LGALS12: variants seen among roughly 807,000 people sequenced by gnomAD.
LGALS12 encodes galectin-12.
In LGALS12, 36 loss-of-function variants were observed where a neutral mutation model predicts 36.8. That is an observed-to-expected ratio of 0.98 (90% CI 0.75 to 1.29). The LOEUF is 1.29. LGALS12 is among the 50% of genes most tolerant of loss of function. The pLI is 0.00. For missense variants in LGALS12, 366 were observed against 394.3 expected, an observed-to-expected ratio of 0.93 and a Z score of 0.61; for synonymous variants, 145 against 155.9, an observed-to-expected ratio of 0.93 and a Z score of 0.52.
intron 4 of LGALS12, 101 bp from the exon 5 acceptor site, chr11:63,510,362 T>G: frequency 2.6e-6 from 3 of 1,150,898 alleles, no homozygotes; most frequent in South Asian, 1.2e-5. Context: ...AATGGGAACA[T>G]GAGGAGCTGT....
chr11:63,512,516 C>T lies in LGALS12; in HGVS notation c.647+676C>T, dbSNP rs376085258. ...TGTAAGAAGGGGATGATAGGCCGGG[C>T]GCGGTGGCTCACACCTATAATCCCA... On this transcript the variant is annotated intron_variant, in intron 7 of 8. Transcript: ENST00000394618. 2.7e-3 allele frequency among the ~76,000 whole-genome samples: 418 copies of T among 152,208 alleles called. 2 individuals carry two copies. The highest frequency in any genetic ancestry group is 9.8e-3 in the African/African-American group (406 of 41,526).
rs2016888526 is a variant in LGALS12 at position 63,510,590 on chromosome 11, C to T, written c.531+89C>T. ...CTCCCATTACACAAGGCCCAGCTGCCCCTTCCCTCACTGCTGCGGTTGCCA... is the reference window on the plus strand; with the variant it reads ...CTCCCATTACACAAGGCCCAGCTGCTCCTTCCCTCACTGCTGCGGTTGCCA... On this transcript the variant is annotated intron_variant, in intron 5 of 8. Coordinates refer to ENST00000394618, the MANE Select transcript of LGALS12 (RefSeq NM_033101.4). 5.4e-6 allele frequency: 7 copies of T among 1,292,492 alleles called. No homozygotes were observed. The South Asian group carries it at 8.5e-5, about 16-fold the overall frequency. The allele number at this position is 1,292,492 out of a possible 1,614,324, so 80.1% of individuals were successfully genotyped here.
intron 1 of LGALS12, 89 bp downstream of exon 1, chr11:63,506,616 G>T: frequency 1.3e-6 from 2 of 1,546,656 alleles, no homozygotes; most frequent in Non-Finnish European, 1.8e-6. Context: ...GGGGTGGAAA[G>T]GACCTCAGTC....
At chr11:63,514,353 C>T (rs2017015567) in intron 7 of LGALS12, among the ~76,000 whole-genome samples, 1 of 152,156 alleles carries the variant, frequency 6.6e-6, no homozygotes, top group Admixed American at 6.5e-5. Context: ...GGGCAGATCA[C>T]AAGGTCAAGA....
chr11:63,509,843 G>T lies in LGALS12; in HGVS notation c.438G>T (p.Thr146=), dbSNP rs75807998. The T allele has an allele frequency of 1.2e-6, 2 of 1,614,054 alleles. No individual in the cohort carries two copies. Among genetic ancestry groups the T allele is most frequent in the Non-Finnish European group, 1.7e-6 (2 of 1,179,900 alleles). ...RYRLPLSHVD[T]LGIFGDILVE... is the part of the protein sequence containing the mutation. ...GGCTCCCACTGTCTCATGTGGACAC[G>T]CTGGGTATATTTGGTGACATCCTGG... Residue 146 remains threonine (T), a synonymous_variant, in exon 4 of 9, where the codon ACG becomes ACT. Coordinates refer to ENST00000394618, the MANE Select transcript of LGALS12 (RefSeq NM_033101.4).
intron 6 of LGALS12, 135 bp downstream of exon 6, chr11:63,511,240 T>A (rs2016909969): frequency 1.5e-6 from 1 of 666,066 alleles, no homozygotes. Context: ...AGGCTGTGGG[T>A]GGGCCAGGCA....
Position 63,516,249 on chromosome 11 carries a change from G to T in LGALS12, c.801G>T (p.Val267=), listed in dbSNP as rs774973724. 1 of 1,571,518 alleles carries T rather than the reference G, an allele frequency of 6.4e-7. No individual in the cohort carries two copies. Among genetic ancestry groups the T allele is most frequent in the Non-Finnish European group, 8.6e-7 (1 of 1,161,108 alleles). The change falls in exon 9 of 9, where the codon GTG becomes GTT. Residue 267 remains valine, a splice_region_variant and synonymous_variant. Transcript: ENST00000394618. ...FLFYPQRFFE[V]LLLFQEGGLK... is the part of the protein sequence containing the mutation. ...CCCCTCATGTCCTCCTTTCCCAGGT[G>T]CTGCTCCTGTTCCAGGAGGGAGGGC... is the stretch of plus-strand genomic sequence containing the variant.
chr11:63,516,442 C>A lies in LGALS12; in HGVS notation c.*49C>A. 1.2e-6 allele frequency: 2 copies of A among 1,605,376 alleles called. No individual in the cohort carries two copies. The highest frequency in any genetic ancestry group is 1.1e-5 in the South Asian group (1 of 90,818). On this transcript the variant is annotated 3_prime_UTR_variant, in exon 9 of 9. Transcript: ENST00000394618. ...CAGAAAACAAGAAGGTCAGCCCACT[C>A]CCAGGGCCCCACTCTCCTCCCCTCA...
chr11:63,510,529 C>T lies in LGALS12; in HGVS notation c.531+28C>T, dbSNP rs370702181. On this transcript the variant is annotated intron_variant, in intron 5 of 8. Transcript: ENST00000394618. The stretch of plus-strand genomic sequence containing the variant: ...GAGTTTCTTGGCAGCAAGGTCTGAG[C>T]AGCCACACCAGCTGACCCGCCCTTC... 37 of 1,610,758 alleles carry T rather than the reference C, an allele frequency of 2.3e-5. No homozygotes were observed. The African/African-American group carries it at 4.7e-4, about 20-fold the overall frequency.
rs1555033929 is a variant in LGALS12 at position 63,511,242 on chromosome 11, G to GGCCAGACAGCTTATGCC, written c.558+142_558+143insACAGCTTATGCCGCCAG. ...TATAGAAAACTGCAGGCTGTGGGTG[G>GGCCAGACAGCTTATGCC]GCCAGGCAGCTTATGCCCCCAGCCG... On this transcript the variant is annotated intron_variant, in intron 6 of 8. Coordinates refer to ENST00000394618, the MANE Select transcript of LGALS12 (RefSeq NM_033101.4). 12 of 784,452 alleles carry GGCCAGACAGCTTATGCC rather than the reference G, an allele frequency of 1.5e-5. No individual in the cohort carries two copies. In the African/African-American group the frequency reaches 2.1e-4, roughly 13 times the overall value. The allele number at this position is 784,452 out of a possible 1,614,324, so 48.6% of individuals were successfully genotyped here.
intron 7 of LGALS12, among the ~76,000 whole-genome samples, chr11:63,513,706 A>G (rs1236593184): frequency 6.6e-6 from 1 of 152,160 alleles, no homozygotes; most frequent in Non-Finnish European, 1.5e-5. Flanking sequence ...AGAGTAAGAG[A>G]TGGAGGGCAC....
chr11:63,511,772 T>C lies in LGALS12; in HGVS notation c.579T>C (p.Ala193=). ...TTCAGGAGGTGCCCTGCTCACATGC[T>C]CTTCCCCAGGGTCTCTCGCCTGGGC... ...SPRLEVPCSH[A]LPQGLSPGQV... Residue 193 remains alanine (A), a synonymous_variant, in exon 7 of 9, where the codon GCT becomes GCC. Coordinates refer to ENST00000394618, the MANE Select transcript of LGALS12 (RefSeq NM_033101.4). 6.2e-7 allele frequency: 1 copy of C among 1,613,600 alleles called. No homozygotes were observed. Among genetic ancestry groups the C allele is most frequent in the Non-Finnish European group, 8.5e-7 (1 of 1,179,776 alleles).
At chr11:63,508,713 C>A in intron 2 of LGALS12, 65 bp from the exon 3 acceptor site, 3 of 1,613,640 alleles carry the variant, frequency 1.9e-6, no homozygotes, top group Non-Finnish European at 1.7e-6. Flanking sequence ...GGGCTCCTCC[C>A]TGCCACTGAG....
intron 8 of LGALS12, among the ~76,000 whole-genome samples, 180 bp downstream of exon 8, chr11:63,515,893 G>A (rs1397643926): frequency 1.3e-5 from 2 of 151,534 alleles, no homozygotes; most frequent in Non-Finnish European, 2.9e-5. Context: ...CTGATGCCAG[G>A]GATCCCATGG....
intron 6 of LGALS12, 61 bp from the exon 7 acceptor site, chr11:63,511,691 T>A: frequency 1.6e-6 from 2 of 1,233,386 alleles, no homozygotes; most frequent in Non-Finnish European, 2.4e-6. Context: ...CCCCCGGGGA[T>A]GGGCGGTCCT....
intron 6 of LGALS12, among the ~76,000 whole-genome samples, chr11:63,511,404 C>T (rs571906284): frequency 1.6e-4 from 24 of 152,272 alleles, no homozygotes; most frequent in Middle Eastern, 3.4e-3. Context: ...GTGCCAGGCC[C>T]GGTGCCAGGC....
At position 63,516,264 on chromosome 11, in the gene LGALS12, G is replaced by A. The variant is rs1289785879; in HGVS notation, c.816G>A (p.Gln272=). The A allele has an allele frequency of 6.3e-7, 1 of 1,589,512 alleles. No homozygotes were observed. The highest frequency in any genetic ancestry group is 8.6e-7 in the Non-Finnish European group (1 of 1,168,770). ...QRFFEVLLLF[Q]EGGLKLALNG... is the part of the protein sequence containing the mutation. ...TTTCCCAGGTGCTGCTCCTGTTCCA[G>A]GAGGGAGGGCTGAAGCTGGCGCTCA... The change falls in exon 9 of 9, where the codon CAG becomes CAA. Residue 272 remains glutamine, a synonymous_variant. Coordinates refer to ENST00000394618, the MANE Select transcript of LGALS12 (RefSeq NM_033101.4).
chr11:63,516,272 G>T lies in LGALS12; in HGVS notation c.824G>T (p.Gly275Val), dbSNP rs143741109. 1.6e-5 allele frequency: 26 copies of T among 1,597,000 alleles called. No individual in the cohort carries two copies. The highest frequency in any genetic ancestry group is 2.2e-5 in the Non-Finnish European group (26 of 1,172,012). Residue 275 changes from glycine (G) to valine (V), a missense_variant, in exon 9 of 9, where the codon GGG (glycine) becomes GTG (valine). Physicochemically the swap from Gly to Val is moderately radical, Grantham distance 109. Transcript: ENST00000394618. ...GTGCTGCTCCTGTTCCAGGAGGGAGGGCTGAAGCTGGCGCTCAATGGGCAG... is the reference window on the plus strand; with the variant it reads ...GTGCTGCTCCTGTTCCAGGAGGGAGTGCTGAAGCTGGCGCTCAATGGGCAG... ...FEVLLLFQEG[G>V]LKLALNGQGL... is the part of the protein sequence containing the mutation.
Position 63,508,855 on chromosome 11 carries a change from A to G in LGALS12, c.236A>G (p.His79Arg). Residue 79 changes from histidine (H) to arginine (R), a missense_variant, in exon 3 of 9, where the codon CAT (histidine) becomes CGT (arginine). Coordinates refer to ENST00000394618, the MANE Select transcript of LGALS12 (RefSeq NM_033101.4). Reference protein sequence around the residue: ...DIAFHFNPRFHTTKPHVICNT... With the variant: ...DIAFHFNPRFRTTKPHVICNT... ...GCCTTCCACTTCAACCCTCGCTTCCATACCACCAAGCCCCATGTCATCTGC... is the reference window on the plus strand; with the variant it reads ...GCCTTCCACTTCAACCCTCGCTTCCGTACCACCAAGCCCCATGTCATCTGC... The G allele has an allele frequency of 3.1e-6, 5 of 1,614,180 alleles. No homozygotes were observed. The highest frequency in any genetic ancestry group is 4.2e-6 in the Non-Finnish European group (5 of 1,180,036).
Sources: gnomAD v4.1 joint callset for allele counts (sites outside exome capture counted in the v4.1 genomes callset) on GRCh38, gnomAD v4.1.1 for gene constraint, MANE v1.5 for transcripts, NCBI Gene and HGNC (gene_info 2026-07-23, HGNC 2026-07-21) for gene names.